WASF3: variants seen among roughly 807,000 people sequenced by gnomAD.
WASF3 encodes the protein actin-binding protein WASF3.
Under a neutral mutation model 46.6 loss-of-function variants are expected in WASF3, and 11 were observed. The observed-to-expected ratio is 0.24, with a 90% confidence interval of 0.15 to 0.39. WASF3 has a LOEUF of 0.39. Ranked by LOEUF, WASF3 falls within the 10% of genes least tolerant of loss-of-function variation. The pLI is 1.00. For synonymous variants in WASF3, 242 were observed against 259.7 expected, an observed-to-expected ratio of 0.93 and a Z score of 0.65; for missense variants, 576 against 669.8, an observed-to-expected ratio of 0.86 and a Z score of 1.55.
chr13:26,603,421 A>T (rs1196265920), intron 1 of WASF3, among the ~76,000 whole-genome samples: 2 of 152,244 alleles, frequency 1.3e-5, no homozygotes, highest in Admixed American at 6.5e-5. Flanking sequence ...TTGGTTGAGC[A>T]GGTGCTCAGG....
chr13:26,595,657 C>T (rs1880438906), intron 1 of WASF3, among the ~76,000 whole-genome samples: 1 of 152,156 alleles, frequency 6.6e-6, no homozygotes, highest in Non-Finnish European at 1.5e-5. Flanking sequence ...TCTTTGTACC[C>T]TCAGCCATCC....
chr13:26,580,478 G>C (rs1879943523), intron 1 of WASF3, among the ~76,000 whole-genome samples: 1 of 152,006 alleles, frequency 6.6e-6, no homozygotes, highest in Admixed American at 6.5e-5. Flanking sequence ...TTCTTTTGTA[G>C]GTCCAATTAG....
At chr13:26,640,056 G>A (rs548338847) in intron 2 of WASF3, among the ~76,000 whole-genome samples, 7 of 152,018 alleles carry the variant, frequency 4.6e-5, no homozygotes, top group Non-Finnish European at 7.4e-5. Flanking sequence ...ATAGGTGTGT[G>A]GGCTCTGGAT....
At chr13:26,585,826 A>G (rs1168485845) in intron 1 of WASF3, among the ~76,000 whole-genome samples, 1 of 152,206 alleles carries the variant, frequency 6.6e-6, no homozygotes, top group Non-Finnish European at 1.5e-5. Context: ...AATGCATAAT[A>G]AAAGCCCTTG....
intron 1 of WASF3, among the ~76,000 whole-genome samples, chr13:26,594,949 A>G (rs1209273812): frequency 6.6e-6 from 1 of 152,154 alleles, no homozygotes; most frequent in Non-Finnish European, 1.5e-5. Flanking sequence ...GTCTTTCTTT[A>G]CCTACCATTT....
chr13:26,664,947 A>C, intron 3 of WASF3, 81 bp from the exon 4 acceptor site: 1 of 1,428,966 alleles, frequency 7.0e-7, no homozygotes, highest in Non-Finnish European at 9.8e-7. Context: ...TGTTGACAGG[A>C]ATAAGCACTG....
At chr13:26,549,544 A>G in the WASF3 span, among the ~76,000 whole-genome samples, 1 of 152,156 alleles carries the variant, frequency 6.6e-6, no homozygotes, top group Non-Finnish European at 1.5e-5. Flanking sequence ...CCTTTCTACA[A>G]AGAATGACCC....
chr13:26,602,149 T>C (rs981075281), intron 1 of WASF3, among the ~76,000 whole-genome samples: 1 of 152,180 alleles, frequency 6.6e-6, no homozygotes, highest in Non-Finnish European at 1.5e-5. Flanking sequence ...TCCAGAGCTT[T>C]TCGATGGTAG....
intron 2 of WASF3, among the ~76,000 whole-genome samples, chr13:26,613,265 GAAAA>G (rs199506233): frequency 6.7e-6 from 1 of 150,014 alleles, no homozygotes; most frequent in African/African-American, 2.4e-5. Context: ...CATTGAAAGA[GAAAA>G]AAAAACTTGA....
At chr13:26,673,903 A>C (rs1882989342) in intron 6 of WASF3, among the ~76,000 whole-genome samples, 1 of 152,152 alleles carries the variant, frequency 6.6e-6, no homozygotes, top group Non-Finnish European at 1.5e-5. Flanking sequence ...GGTGTCATGC[A>C]GGCTGGGTTC....
At chr13:26,646,953 T>A (rs773351072) in intron 3 of WASF3, among the ~76,000 whole-genome samples, 1 of 152,224 alleles carries the variant, frequency 6.6e-6, no homozygotes, top group Non-Finnish European at 1.5e-5. Flanking sequence ...GAATCTGGTC[T>A]TAGATAGCAA....
At chr13:26,559,821 T>TC in intron 1 of WASF3, among the ~76,000 whole-genome samples, 1 of 127,228 alleles carries the variant, frequency 7.9e-6, no homozygotes, top group Non-Finnish European at 1.7e-5. Context: ...TTTTTTTTTT[T>TC]TTTTTTTTTT....
chr13:26,572,475 G>A (rs1261912845), intron 1 of WASF3, among the ~76,000 whole-genome samples: 3 of 152,134 alleles, frequency 2.0e-5, no homozygotes, highest in Non-Finnish European at 4.4e-5. Flanking sequence ...TTGGCCTCCT[G>A]TGGAGGCAAT....
chr13:26,575,071 T>C (rs1045570490), intron 1 of WASF3, among the ~76,000 whole-genome samples: 40 of 152,038 alleles, frequency 2.6e-4, no homozygotes, highest in Middle Eastern at 3.2e-3. Context: ...CTCCTGACCT[T>C]GTGATCCGCC....
At chr13:26,554,639 T>A (rs1028278126), upstream of WASF3, among the ~76,000 whole-genome samples, 2 of 152,228 alleles carry the variant, frequency 1.3e-5, no homozygotes, top group Non-Finnish European at 2.9e-5. Flanking sequence ...CTTAGAATCA[T>A]ACAGTCTGTA....
chr13:26,588,164 A>G (rs145608226), intron 1 of WASF3, among the ~76,000 whole-genome samples: 104 of 152,338 alleles, frequency 6.8e-4, no homozygotes, highest in Admixed American at 1.8e-3. Flanking sequence ...AGAAATTACT[A>G]TTCTTCAAAT....
chr13:26,640,460 G>A (rs762453648), intron 2 of WASF3: 10 of 150,096 alleles, frequency 6.7e-5, no homozygotes, highest in Non-Finnish European at 1.2e-4. Flanking sequence ...GGAGTGCAGT[G>A]CCACGATTTT....
chr13:26,583,108 T>G (rs1880032674), intron 1 of WASF3, among the ~76,000 whole-genome samples: 1 of 152,210 alleles, frequency 6.6e-6, no homozygotes. Context: ...GTTTGGACAG[T>G]TACTGTGGAT....
intron 3 of WASF3, among the ~76,000 whole-genome samples, chr13:26,652,578 G>A (rs1376951318): frequency 6.6e-6 from 1 of 152,078 alleles, no homozygotes; most frequent in Admixed American, 6.6e-5. Flanking sequence ...TTAATTTCCC[G>A]TGAAACATAC....
Sources: allele counts gnomAD v4.1 joint callset (sites outside exome capture counted in the v4.1 genomes callset), GRCh38; gene constraint gnomAD v4.1.1; transcripts MANE v1.5; gene names NCBI Gene and HGNC (gene_info 2026-07-23, HGNC 2026-07-21).